KIF5B: variants seen among roughly 807,000 people sequenced by gnomAD.
The protein encoded by KIF5B is kinesin-1 heavy chain.
In KIF5B, 49 loss-of-function variants were observed where a neutral mutation model predicts 132.8. That is an observed-to-expected ratio of 0.37 (90% confidence interval 0.29 to 0.47). The LOEUF (loss-of-function observed/expected upper bound fraction) is 0.47. Ranked by LOEUF, KIF5B falls within the 20% of genes least tolerant of loss-of-function variation. The pLI is 1.00. For missense variants in KIF5B, 780 were observed against 1,144.0 expected (o/e 0.68, Z 4.59); for synonymous variants, 355 against 369.4 (o/e 0.96, Z 0.45).
At chr10:32,051,351 GCCTGGCCTC>G (rs1469587865) in intron 1 of KIF5B, among the ~76,000 whole-genome samples, 1 of 152,152 alleles carries the variant, frequency 6.6e-6, no homozygotes. Context: ...GATCCACCAT[GCCTGGCCTC>G]AATTTTTACA....
At chr10:32,028,676 T>G in intron 14 of KIF5B, 105 bp from the exon 15 acceptor site, 1 of 910,792 alleles carries the variant, frequency 1.1e-6, no homozygotes, top group Non-Finnish European at 1.6e-6. Context: ...TACGAAACCA[T>G]GTCTTTTCTG....
At chr10:32,048,368 G>T in intron 2 of KIF5B, 96 bp downstream of exon 2, 1 of 733,360 alleles carries the variant, frequency 1.4e-6, no homozygotes, top group Non-Finnish European at 2.3e-6. Context: ...TAGAAGAAAG[G>T]GGCATTAAAA....
intron 15 of KIF5B, among the ~76,000 whole-genome samples, chr10:32,027,947 AATTT>A (rs1841354039): frequency 6.6e-6 from 1 of 152,050 alleles, no homozygotes; most frequent in African/African-American, 2.4e-5. Flanking sequence ...CACTTATGGA[AATTT>A]ATTAACGTAA....
At chr10:32,043,010 CAG>C (rs1475801287) in intron 2 of KIF5B, among the ~76,000 whole-genome samples, 5 of 152,196 alleles carry the variant, frequency 3.3e-5, no homozygotes, top group African/African-American at 4.8e-5. Flanking sequence ...GTTTTTGAGA[CAG>C]AGTCTTGCTC....
intron 17 of KIF5B, 67 bp from the exon 18 acceptor site, chr10:32,021,354 G>A (rs1841256457): frequency 8.9e-7 from 1 of 1,127,280 alleles, no homozygotes. Flanking sequence ...AAACCAAGGA[G>A]CAAATGGATT....
At chr10:32,030,311 G>A (rs1841385893) in intron 14 of KIF5B, among the ~76,000 whole-genome samples, 1 of 152,140 alleles carries the variant, frequency 6.6e-6, no homozygotes, top group African/African-American at 2.4e-5. Flanking sequence ...GAGGTCAGGA[G>A]CTCGAGACCA....
chr10:32,023,200 G>C (rs1841288494), intron 15 of KIF5B, among the ~76,000 whole-genome samples, 164 bp from the exon 16 acceptor site: 1 of 151,992 alleles, frequency 6.6e-6, no homozygotes, highest in Non-Finnish European at 1.5e-5. Context: ...TCAACGAAAG[G>C]TAAATAAATA....
chr10:32,023,971 A>G (rs1419969273), intron 15 of KIF5B, among the ~76,000 whole-genome samples: 2 of 151,518 alleles, frequency 1.3e-5, no homozygotes, highest in Admixed American at 1.3e-4. Context: ...TACCAAAAAC[A>G]CAATCTATTA....
intron 2 of KIF5B, among the ~76,000 whole-genome samples, 200 bp from the exon 3 acceptor site, chr10:32,040,657 A>ACACC (rs370537671): frequency 4.6e-4 from 63 of 137,690 alleles, no homozygotes; most frequent in Admixed American, 1.1e-3. Context: ...ACACACACAC[A>ACACC]CCCTCTTCCT....
chr10:32,034,142 A>T (rs1841435484), intron 11 of KIF5B, 104 bp from the exon 12 acceptor site: 1 of 658,418 alleles, frequency 1.5e-6, no homozygotes, highest in Non-Finnish European at 2.4e-6. Flanking sequence ...ACAGAGTCTC[A>T]ATCTGTCACC....
intron 20 of KIF5B, 44 bp from the exon 21 acceptor site, chr10:32,018,606 T>TA (rs11428920): frequency 1 from 1,448,716 of 1,454,624 alleles, 721,628 homozygotes; most frequent in East Asian, 1. Context: ...TTTTATTCTG[T>TA]ATATTGTACT....
rs1420634218 is a variant in KIF5B at position 32,032,779 on chromosome 10, A to G, written c.1306-5T>C. The G allele has an allele frequency of 5.6e-6, 9 of 1,612,660 alleles. No individual in the cohort carries two copies. The highest frequency in any genetic ancestry group is 1.3e-5 in the African/African-American group (1 of 74,892). On this transcript the variant is annotated splice_region_variant and splice_polypyrimidine_tract_variant and intron_variant, in intron 12 of 25. Coordinates refer to ENST00000302418, the MANE Select transcript of KIF5B (RefSeq NM_004521.3). ...TTGCTGGTTAATTTCTTCATCCTAG[A>G]ATTGTGAAGTATCCGGTTAACCAGT...
chr10:32,042,074 T>C (rs1179226728), intron 2 of KIF5B, among the ~76,000 whole-genome samples: 4 of 152,190 alleles, frequency 2.6e-5, no homozygotes, highest in Non-Finnish European at 5.9e-5. Context: ...AGAAAGGTAC[T>C]ATGAAATTAC....
At chr10:32,021,455 C>A (rs1306150219) in intron 17 of KIF5B, among the ~76,000 whole-genome samples, 168 bp from the exon 18 acceptor site, 1 of 151,660 alleles carries the variant, frequency 6.6e-6, no homozygotes, top group Non-Finnish European at 1.5e-5. Context: ...GACTAGTATA[C>A]AAGTTACATC....
rs746123588 is a variant in KIF5B, at chr10:32,021,006, G to A, written c.2204+16C>T. 8 of 1,368,292 alleles carry A rather than the reference G, an allele frequency of 5.8e-6. No individual in the cohort carries two copies. The highest frequency in any genetic ancestry group is 1.2e-5 in the South Asian group (1 of 84,870). 84.8% of individuals were successfully genotyped at this position (1,368,292 alleles called of 1,614,324 possible). The stretch of plus-strand genomic sequence containing the variant: ...AACCGATTCTTTCCTCCTAACTAGA[G>A]AAGTATAATACTTACTCTTGAAGAT... On this transcript the variant is annotated intron_variant, in intron 19 of 25. Transcript: ENST00000302418.
intron 15 of KIF5B, among the ~76,000 whole-genome samples, chr10:32,024,011 A>C (rs1020837455): frequency 5.3e-5 from 8 of 150,140 alleles, no homozygotes; most frequent in African/African-American, 2.0e-4. Flanking sequence ...GGACCTCATT[A>C]AAATTAAAAA....
At chr10:32,055,743 G>A in intron 1 of KIF5B, 105 bp downstream of exon 1, 2 of 1,441,838 alleles carry the variant, frequency 1.4e-6, no homozygotes, top group African/African-American at 1.4e-5. Flanking sequence ...GAGGGCTGGG[G>A]ACACCGCCGC....
At position 32,018,007 on chromosome 10, in the gene KIF5B, G is replaced by T. The variant is rs57473704; in HGVS notation, c.2544+45C>A. 4.3e-4 allele frequency: 467 copies of T among 1,092,524 alleles called. 1 individual carries two copies. The African/African-American group carries it at 6.9e-3, about 16-fold the overall frequency. The allele number at this position is 1,092,524 out of a possible 1,614,324, so 67.7% of individuals were successfully genotyped here. On this transcript the variant is annotated intron_variant, in intron 23 of 25. Transcript: ENST00000302418. The stretch of plus-strand genomic sequence containing the variant: ...ACTCACTTGCCAATCCTCAATTTTT[G>T]ATTTTTACTATCTTGCAGCTACCAG...
intron 12 of KIF5B, among the ~76,000 whole-genome samples, chr10:32,033,414 C>T (rs1411274598): frequency 3.9e-5 from 6 of 152,166 alleles, no homozygotes; most frequent in Admixed American, 1.3e-4. Context: ...TCATTAAGAG[C>T]GCGAACTCTA....
Sources: allele counts gnomAD v4.1 joint callset (sites outside exome capture counted in the v4.1 genomes callset), GRCh38; gene constraint gnomAD v4.1.1; transcripts MANE v1.5; gene names NCBI Gene and HGNC (gene_info 2026-07-23, HGNC 2026-07-21).